The following KLRC1 variants were observed in gnomAD, a reference collection of about 807,000 sequenced individuals.
The protein encoded by KLRC1 is killer cell lectin like receptor C1.
In KLRC1, 22 loss-of-function variants were observed where a neutral mutation model predicts 25.9. The observed-to-expected ratio is 0.85, with a 90% CI of 0.61 to 1.21. KLRC1 has a LOEUF of 1.21. Ranked by LOEUF, KLRC1 falls within the 50% of genes most tolerant of loss-of-function variation. The pLI is 0.00. For missense variants in KLRC1, 240 were observed against 272.2 expected, an observed-to-expected ratio of 0.88 and a Z score of 0.83; for synonymous variants, 77 against 93.1, an observed-to-expected ratio of 0.83 and a Z score of 0.99.
At chr12:10,447,093 A>G (rs34881963) in intron 6 of KLRC1, 6 of 224,764 alleles carry the variant, frequency 2.7e-5, no homozygotes, top group East Asian at 1.1e-4. Flanking sequence ...AAGCACTGCA[A>G]TTCCCTGATA....
rs1394706213 is a variant in KLRC1, at chr12:10,451,121, A to T, written c.36T>A (p.Asn12Lys). 1.9e-6 allele frequency: 3 copies of T among 1,613,984 alleles called. No individual in the cohort carries two copies. Among genetic ancestry groups the T allele is most frequent in the Non-Finnish European group, 2.5e-6 (3 of 1,179,968 alleles). The change falls in exon 2 of 7, where the codon AAT becomes AAA. Residue 12 changes from asparagine (N) to lysine (K), a missense_variant. By Grantham distance (94) the Asn-to-Lys change is moderately conservative. Coordinates refer to ENST00000359151, the MANE Select transcript of KLRC1 (RefSeq NM_002259.5). ...DNQGVIYSDL[N>K]LPPNPKRQQR... The stretch of plus-strand genomic sequence containing the variant: ...GCTGCCTCTTTGGGTTTGGGGGCAG[A>T]TTCAGGTCTGAGTAGATTACTCCTT...
intron 4 of KLRC1, among the ~76,000 whole-genome samples, chr12:10,449,590 T>C (rs1429413294): frequency 2.6e-5 from 4 of 152,178 alleles, no homozygotes; most frequent in African/African-American, 9.7e-5. Context: ...CTCCTAATTG[T>C]GTTCCCATAT....
At chr12:10,453,824 A>C (rs1591618669), upstream of KLRC1, among the ~76,000 whole-genome samples, 1 of 152,274 alleles carries the variant, frequency 6.6e-6, no homozygotes, top group Middle Eastern at 3.4e-3. Context: ...AAAAAGCATC[A>C]TTGCCAAAGT....
Position 10,450,538 on chromosome 12 carries a change from C to G in KLRC1, c.229G>C (p.Gly77Arg). The change falls in exon 3 of 7, where the codon GGA (glycine) becomes CGA (arginine). Residue 77 changes from glycine (G) to arginine (R), a missense_variant. Gly to Arg is a moderately radical substitution (Grantham distance 125, BLOSUM62 -2). Coordinates refer to ENST00000359151, the MANE Select transcript of KLRC1 (RefSeq NM_002259.5). ...GCCATTAAGATAAGACAGATAATTC[C>G]CAGGATCCCAACAATGAGCTTCTCT... ...APEKLIVGIL[G>R]IICLILMASV... is the part of the protein sequence containing the mutation. 1.2e-6 allele frequency: 2 copies of G among 1,611,630 alleles called. No individual in the cohort carries two copies. Among genetic ancestry groups the G allele is most frequent in the South Asian group, 2.2e-5 (2 of 90,994 alleles).
downstream of KLRC1, among the ~76,000 whole-genome samples, chr12:10,445,580 A>G (rs1472374706): frequency 6.6e-6 from 1 of 152,202 alleles, no homozygotes; most frequent in Non-Finnish European, 1.5e-5. Context: ...CTAGCCAGTG[A>G]AAATAAATGA....
intron 2 of KLRC1, among the ~76,000 whole-genome samples, 172 bp from the exon 3 acceptor site, chr12:10,450,751 G>T (rs1433570162): frequency 6.6e-6 from 1 of 152,048 alleles, no homozygotes; most frequent in Non-Finnish European, 1.5e-5. Context: ...TGAATTTTCA[G>T]GAAAAATAAT....
intron 4 of KLRC1, 62 bp downstream of exon 4, chr12:10,449,852 A>G: frequency 2.3e-6 from 3 of 1,285,048 alleles, no homozygotes; most frequent in Non-Finnish European, 3.1e-6. Flanking sequence ...TTATTTTTGT[A>G]CAGCCTAAGA....
chr12:10,448,310 G>A (rs1475898721), intron 5 of KLRC1, among the ~76,000 whole-genome samples: 1 of 152,130 alleles, frequency 6.6e-6, no homozygotes, highest in Non-Finnish European at 1.5e-5. Context: ...AGAAGAAGGT[G>A]ACCTAGGCCT....
intron 5 of KLRC1, 77 bp downstream of exon 5, chr12:10,449,160 C>T: frequency 6.4e-7 from 1 of 1,572,924 alleles, no homozygotes; most frequent in Non-Finnish European, 8.7e-7. Flanking sequence ...TATACCCACA[C>T]ATATGGATGA....
rs1018397976 is a variant in KLRC1, at chr12:10,447,495, T to A, written c.590+37A>T. 3 of 1,412,762 alleles carry A rather than the reference T, an allele frequency of 2.1e-6. No homozygotes were observed. In the African/African-American group the frequency reaches 4.3e-5, roughly 20 times the overall value. The allele number at this position is 1,412,762 out of a possible 1,614,324, so 87.5% of individuals were successfully genotyped here. ...TATTCTTCTGAATTTATCCTTTATA[T>A]ATATATTGTTATATAGCGCCATACA... is the stretch of plus-strand genomic sequence containing the variant. On this transcript the variant is annotated intron_variant, in intron 6 of 6. Coordinates refer to ENST00000359151, the MANE Select transcript of KLRC1 (RefSeq NM_002259.5).
chr12:10,451,960 T>C (rs1864135599), intron 1 of KLRC1, among the ~76,000 whole-genome samples: 1 of 151,818 alleles, frequency 6.6e-6, no homozygotes, highest in African/African-American at 2.4e-5. Flanking sequence ...TTATACACAT[T>C]AATGAAAATC....
downstream of KLRC1, among the ~76,000 whole-genome samples, chr12:10,444,978 G>A (rs565022745): frequency 4.8e-4 from 66 of 138,782 alleles, no homozygotes; most frequent in African/African-American, 1.7e-3. Flanking sequence ...GGAGTGCAGT[G>A]GTGCACTCTC....
intron 2 of KLRC1, 76 bp from the exon 3 acceptor site, chr12:10,450,655 C>A (rs961373858): frequency 1.1e-6 from 1 of 896,050 alleles, no homozygotes; most frequent in Non-Finnish European, 1.8e-6. Flanking sequence ...GACAAGAGAA[C>A]CTGAATGCAC....
intron 1 of KLRC1, 38 bp downstream of exon 1, chr12:10,453,160 G>A (rs1462991123): frequency 1.1e-6 from 1 of 914,236 alleles, no homozygotes; most frequent in Non-Finnish European, 1.3e-6. Flanking sequence ...CACTAAATGA[G>A]GTAGGCTAGT....
At chr12:10,452,609 T>C (rs190667355) in intron 1 of KLRC1, among the ~76,000 whole-genome samples, 1 of 152,332 alleles carries the variant, frequency 6.6e-6, no homozygotes, top group East Asian at 1.9e-4. Context: ...TTCTGATTCA[T>C]GTCAGTTAAA....
chr12:10,444,410 A>G (rs1863948572), downstream of KLRC1, among the ~76,000 whole-genome samples: 1 of 151,272 alleles, frequency 6.6e-6, no homozygotes, highest in Non-Finnish European at 1.5e-5. Context: ...ATTTTAAAAA[A>G]TTGATAAGGG....
chr12:10,447,531 C>T lies in KLRC1; in HGVS notation c.590+1G>A. ...ATATAGCGCCATACAAAACAACTTA[C>T]TCATGTTTGAAAGCCAAACCATTCA... is the stretch of plus-strand genomic sequence containing the variant. On this transcript the variant is annotated splice_donor_variant, in intron 6 of 6. Transcript: ENST00000359151. LOFTEE classifies it high-confidence loss of function. The T allele has an allele frequency of 6.2e-7, 1 of 1,606,166 alleles. No homozygotes were observed. The highest frequency in any genetic ancestry group is 8.5e-7 in the Non-Finnish European group (1 of 1,175,008).
chr12:10,453,829 C>T (rs975427195), upstream of KLRC1, among the ~76,000 whole-genome samples: 1 of 151,942 alleles, frequency 6.6e-6, no homozygotes, highest in African/African-American at 2.4e-5. Context: ...GCATCATTGC[C>T]AAAGTTATAT....
rs1280919003 is a variant in KLRC1, at chr12:10,453,180, G to T, written c.-32+18C>A. On this transcript the variant is annotated intron_variant, in intron 1 of 6. Coordinates refer to ENST00000359151, the MANE Select transcript of KLRC1 (RefSeq NM_002259.5). The stretch of plus-strand genomic sequence containing the variant: ...AATGAGGTAGGCTAGTAGAGAGTTG[G>T]AGAGTAGCAATACATACCTTCTGTC... 1 of 978,042 alleles carries T rather than the reference G, an allele frequency of 1.0e-6. No individual in the cohort carries two copies. Among genetic ancestry groups the T allele is most frequent in the African/African-American group, 1.8e-5 (1 of 57,100 alleles). The allele number at this position is 978,042 out of a possible 1,614,324, so 60.6% of individuals were successfully genotyped here.
Sources: allele counts gnomAD v4.1 joint callset (sites outside exome capture counted in the v4.1 genomes callset), GRCh38; gene constraint gnomAD v4.1.1; transcripts MANE v1.5; gene names NCBI Gene and HGNC (gene_info 2026-07-23, HGNC 2026-07-21).